The following NDUFB2 variants were observed in gnomAD, a reference collection of about 807,000 sequenced individuals.
NDUFB2 encodes NADH dehydrogenase [ubiquinone] 1 beta subcomplex subunit 2, mitochondrial.
NDUFB2 carries 13 observed loss-of-function variants against 13.4 expected under a neutral mutation model. The observed-to-expected ratio is 0.97, with a 90% confidence interval of 0.63 to 1.54. The LOEUF is 1.54. NDUFB2 is among the 40% of genes most tolerant of loss of function. The probability of loss-of-function intolerance (pLI) is 0.00; values close to 1 mark genes in which losing one functional copy is unlikely to be tolerated. For missense variants in NDUFB2, 150 were observed against 139.7 expected, an observed-to-expected ratio of 1.07 and a Z score of -0.37; for synonymous variants, 47 against 50.6, an observed-to-expected ratio of 0.93 and a Z score of 0.30.
chr7:140,702,819 G>T, intron 1 of NDUFB2, 47 bp from the exon 2 acceptor site: 1 of 1,608,154 alleles, frequency 6.2e-7, no homozygotes, highest in Non-Finnish European at 8.5e-7. Flanking sequence ...ATGACTTAAC[G>T]CTTTGAGAAT....
intron 2 of NDUFB2, among the ~76,000 whole-genome samples, chr7:140,703,374 AAG>A (rs1794924802): frequency 6.7e-6 from 1 of 150,228 alleles, no homozygotes; most frequent in African/African-American, 2.5e-5. Flanking sequence ...TCCCGGGTTC[AAG>A]TGACTCTGGT....
In NDUFB2 at chr7:140,702,894, C is replaced by T. The variant is rs144669522; in HGVS notation, c.127C>T (p.Arg43Trp). Reference sequence around the variant, plus strand: ...CGGTGGTGGTGTGCACATTGAGCCCCGGTATAGACAGTTCCCCCAGCTGAC... The same window carrying T: ...CGGTGGTGGTGTGCACATTGAGCCCTGGTATAGACAGTTCCCCCAGCTGAC... The part of the protein sequence containing the change: ...HAGGGVHIEP[R>W]YRQFPQLTRS... The change falls in exon 2 of 4, where the codon CGG becomes TGG. Residue 43 changes from arginine to tryptophan, a missense_variant. By Grantham distance (101) the Arg-to-Trp change is moderately radical (BLOSUM62 -3). Coordinates refer to ENST00000247866, the MANE Select transcript of NDUFB2 (RefSeq NM_004546.3). 2.0e-4 allele frequency: 330 copies of T among 1,613,956 alleles called. No homozygotes were observed. The highest frequency in any genetic ancestry group is 6.5e-4 in the East Asian group (29 of 44,886).
intron 3 of NDUFB2, among the ~76,000 whole-genome samples, chr7:140,705,898 A>G (rs1291937341): frequency 6.6e-6 from 1 of 152,200 alleles, no homozygotes; most frequent in African/African-American, 2.4e-5. Flanking sequence ...CAGGTCAGGA[A>G]GTCAAGAATT....
At chr7:140,706,159 T>C (rs1349235771) in intron 3 of NDUFB2, 1 of 152,080 alleles carries the variant, frequency 6.6e-6, no homozygotes. Context: ...AGCGTGATCA[T>C]GGCTCACTGT....
At chr7:140,697,446 G>C in intron 1 of NDUFB2, 1 of 701,656 alleles carries the variant, frequency 1.4e-6, no homozygotes, top group Non-Finnish European at 2.6e-6. Flanking sequence ...GCGTTTAGGA[G>C]AGTGACAGGC....
At chr7:140,705,000 CT>C in intron 3 of NDUFB2, 37 bp downstream of exon 3, 7 of 1,166,964 alleles carry the variant, frequency 6.0e-6, no homozygotes, top group African/African-American at 3.2e-5. Context: ...TCATATTTAC[CT>C]TTTTTCATAA....
At position 140,697,311 on chromosome 7, in the gene NDUFB2, G is replaced by T. The variant is rs532893550; in HGVS notation, c.98+469G>T. On this transcript the variant is annotated intron_variant, in intron 1 of 3. Transcript: ENST00000247866. ...TGTTCGGCAGCCTTTAATCGGAGAC[G>T]TCACGTGGCCGCTTTTTAATGCTGA... 7.0e-4 allele frequency: 493 copies of T among 702,916 alleles called. 2 individuals carry two copies. In the African/African-American group the frequency reaches 7.4e-3, roughly 11 times the overall value. The allele number at this position is 702,916 out of a possible 1,614,324, so 43.5% of individuals were successfully genotyped here.
chr7:140,706,254 A>G (rs1379761528), intron 3 of NDUFB2: 3 of 151,708 alleles, frequency 2.0e-5, no homozygotes, highest in Admixed American at 6.6e-5. Flanking sequence ...ATTTTTGTAT[A>G]TTTTGTAGAG....
intron 1 of NDUFB2, chr7:140,702,048 C>T (rs1269396613): frequency 2.8e-6 from 2 of 702,150 alleles, no homozygotes; most frequent in South Asian, 1.5e-5. Flanking sequence ...ATGCACTTTT[C>T]CTACAGGTAC....
intron 3 of NDUFB2, 55 bp downstream of exon 3, chr7:140,705,018 GT>G: frequency 2.1e-6 from 2 of 974,744 alleles, no homozygotes; most frequent in African/African-American, 1.7e-5. Context: ...ATAAACATTA[GT>G]TTTTACTTTG....
chr7:140,704,034 C>T (rs181059337), intron 2 of NDUFB2, among the ~76,000 whole-genome samples: 6 of 152,194 alleles, frequency 3.9e-5, no homozygotes, highest in South Asian at 2.1e-4. Flanking sequence ...GGATTACAGG[C>T]GTGAGCCACT....
intron 1 of NDUFB2, 37 bp downstream of exon 1, chr7:140,696,879 T>G: frequency 6.4e-7 from 1 of 1,555,776 alleles, no homozygotes; most frequent in Non-Finnish European, 8.7e-7. Context: ...CTCGCCGGCC[T>G]GTAGCGGACA....
chr7:140,701,981 G>A, intron 1 of NDUFB2: 1 of 689,744 alleles, frequency 1.4e-6, no homozygotes, highest in Non-Finnish European at 2.6e-6. Context: ...CATGTATCAA[G>A]AACCACTGCC....
At chr7:140,704,797 A>G in intron 2 of NDUFB2, 63 bp from the exon 3 acceptor site, 1 of 1,156,986 alleles carries the variant, frequency 8.6e-7, no homozygotes, top group Non-Finnish European at 1.2e-6. Flanking sequence ...TTATTTAACA[A>G]TTTAATTAGT....
intron 1 of NDUFB2, chr7:140,698,185 T>C: frequency 7.4e-7 from 1 of 1,352,060 alleles, no homozygotes. Context: ...CCTGTGTGAC[T>C]TGGGCAAAGA....
chr7:140,702,489 G>C (rs1216774060), intron 1 of NDUFB2: 1 of 236,586 alleles, frequency 4.2e-6, no homozygotes, highest in African/African-American at 2.2e-5. Flanking sequence ...GCCTCAAATA[G>C]ATAGCTAAAC....
intron 3 of NDUFB2, chr7:140,706,060 T>G (rs4020756): frequency 4.8e-5 from 6 of 125,038 alleles, no homozygotes; most frequent in Admixed American, 8.2e-5. Flanking sequence ...TATGTTATGT[T>G]TTATGTTATG....
chr7:140,701,151 T>C (rs931653899), intron 1 of NDUFB2: 1 of 152,250 alleles, frequency 6.6e-6, no homozygotes, highest in Admixed American at 6.5e-5. Flanking sequence ...ATTGGTTTTA[T>C]CATGCTGGTT....
intron 1 of NDUFB2, chr7:140,700,311 C>T (rs778042639): frequency 2.0e-5 from 3 of 151,532 alleles, no homozygotes; most frequent in Admixed American, 6.6e-5. Context: ...TTAGTAGAGA[C>T]GAGGTTTTTC....
Sources: gnomAD v4.1 joint callset for allele counts (sites outside exome capture counted in the v4.1 genomes callset) on GRCh38, gnomAD v4.1.1 for gene constraint, MANE v1.5 for transcripts, NCBI Gene and HGNC (gene_info 2026-07-23, HGNC 2026-07-21) for gene names.